FGF2: variants seen among roughly 807,000 people sequenced by gnomAD.
The protein encoded by FGF2 is basic fibroblast growth factor bFGF.
Under a neutral mutation model 15.9 loss-of-function variants are expected in FGF2, and 13 were observed. That is an observed-to-expected ratio of 0.82 (90% CI 0.53 to 1.30). FGF2 has a LOEUF of 1.30. FGF2 is among the 50% of genes most tolerant of loss of function. FGF2 has a pLI of 0.00. For synonymous variants in FGF2, 90 were observed against 78.4 expected (o/e 1.15, Z -0.78); for missense variants, 163 against 196.9 (o/e 0.83, Z 1.03).
chr4:122,828,818 A>C (rs1725702958), intron 1 of FGF2, among the ~76,000 whole-genome samples: 1 of 150,704 alleles, frequency 6.6e-6, no homozygotes, highest in Non-Finnish European at 1.5e-5. Flanking sequence ...CTAGTTCTCT[A>C]TTCTGGTAAC....
intron 1 of FGF2, among the ~76,000 whole-genome samples, chr4:122,851,963 A>G (rs1726240494): frequency 6.6e-6 from 1 of 152,206 alleles, no homozygotes; most frequent in Non-Finnish European, 1.5e-5. Context: ...TATTGTTGTG[A>G]TGATTAACAT....
intron 2 of FGF2, among the ~76,000 whole-genome samples, chr4:122,876,822 A>G (rs977488563): frequency 2.0e-5 from 3 of 152,254 alleles, no homozygotes; most frequent in African/African-American, 7.2e-5. Flanking sequence ...GTGACGTACA[A>G]AACACTAGCA....
chr4:122,865,494 T>C (rs554146154), intron 1 of FGF2, among the ~76,000 whole-genome samples: 1 of 152,292 alleles, frequency 6.6e-6, no homozygotes, highest in East Asian at 1.9e-4. Context: ...TTTTGCCATG[T>C]TGGCCAGGCT....
intron 1 of FGF2, among the ~76,000 whole-genome samples, chr4:122,847,157 C>T (rs1040065346): frequency 2.0e-5 from 3 of 152,236 alleles, no homozygotes; most frequent in Admixed American, 1.3e-4. Flanking sequence ...ATCTTGAATT[C>T]ACTGTCTATT....
intron 1 of FGF2, among the ~76,000 whole-genome samples, chr4:122,847,661 T>C (rs115612058): frequency 0.025 from 3,775 of 151,814 alleles, 173 homozygotes; most frequent in African/African-American, 0.085. Flanking sequence ...AATCTATCTA[T>C]CTACCTACCT....
rs1290291626 is a variant in FGF2 at position 122,827,862 on chromosome 4, A to G, written c.178+510A>G. ...ACACTACTCTCACCCACTCTGTTTTATATTTTTCCGAATTGACGAAAGCTG... is the reference window on the plus strand; with the variant it reads ...ACACTACTCTCACCCACTCTGTTTTGTATTTTTCCGAATTGACGAAAGCTG... On this transcript the variant is annotated intron_variant, in intron 1 of 2. Coordinates refer to ENST00000644866, the MANE Select transcript of FGF2 (RefSeq NM_001361665.2). The surrounding 1 kb of genome is among the most constrained non-coding windows in gnomAD (Gnocchi z 4.2). Among the ~76,000 whole-genome samples the G allele has an allele frequency of 6.6e-6, 1 of 152,240 alleles. No individual in the cohort carries two copies. Among genetic ancestry groups the G allele is most frequent in the Non-Finnish European group, 1.5e-5 (1 of 68,038 alleles).
At chr4:122,836,613 C>A (rs1725872054) in intron 1 of FGF2, among the ~76,000 whole-genome samples, 1 of 152,186 alleles carries the variant, frequency 6.6e-6, no homozygotes, top group African/African-American at 2.4e-5. Flanking sequence ...GGGTCTGAGG[C>A]TGAATTTACT....
intron 1 of FGF2, among the ~76,000 whole-genome samples, chr4:122,847,639 A>ATCTG (rs145348574): frequency 1.5e-5 from 2 of 135,526 alleles, no homozygotes; most frequent in Non-Finnish European, 3.1e-5. Context: ...CTATCTATCT[A>ATCTG]TCTGTCTATC....
intron 1 of FGF2, among the ~76,000 whole-genome samples, chr4:122,838,756 T>G (rs1408570975): frequency 6.6e-6 from 1 of 152,236 alleles, no homozygotes; most frequent in Non-Finnish European, 1.5e-5. Flanking sequence ...GAAAGACTTC[T>G]GTCATGATTT....
intron 1 of FGF2, among the ~76,000 whole-genome samples, chr4:122,868,117 A>T (rs943251470): frequency 6.6e-6 from 1 of 152,076 alleles, no homozygotes; most frequent in African/African-American, 2.4e-5. Context: ...GTTATTATTG[A>T]TATGGTTAGT....
chr4:122,883,252 C>CA (rs1726995585), intron 2 of FGF2: 1 of 152,028 alleles, frequency 6.6e-6, no homozygotes, highest in African/African-American at 2.4e-5. Context: ...GCTGTGGATA[C>CA]AAAAAACATT....
chr4:122,846,752 A>T (rs1726120510), intron 1 of FGF2, among the ~76,000 whole-genome samples: 1 of 152,238 alleles, frequency 6.6e-6, no homozygotes, highest in Non-Finnish European at 1.5e-5. Context: ...TGTATTATTT[A>T]TGCAAAATTT....
chr4:122,887,230 C>T (rs139450799), intron 2 of FGF2, among the ~76,000 whole-genome samples: 2,979 of 152,280 alleles, frequency 0.02, 102 homozygotes, highest in African/African-American at 0.067. Flanking sequence ...AGGAGAATCA[C>T]TTCAACCTGG....
rs771017160 is a variant in FGF2 at position 122,827,267 on chromosome 4, G to T, written c.93G>T (p.Arg31=). 1.2e-5 allele frequency: 20 copies of T among 1,612,610 alleles called. No individual in the cohort carries two copies. The Admixed American group carries it at 3.3e-4, about 27-fold the overall frequency. The stretch of plus-strand genomic sequence containing the variant: ...CCGGCCACTTCAAGGACCCCAAGCG[G>T]CTGTACTGCAAAAACGGGGGCTTCT... ...FPPGHFKDPK[R]LYCKNGGFFL... is the part of the protein sequence containing the mutation. Residue 31 remains arginine (R), a synonymous_variant, in exon 1 of 3, where the codon CGG becomes CGT. Coordinates refer to ENST00000644866, the MANE Select transcript of FGF2 (RefSeq NM_001361665.2). The surrounding 1 kb of genome is among the most constrained non-coding windows in gnomAD (Gnocchi z 4.2).
At chr4:122,878,416 C>G (rs796567542) in intron 2 of FGF2, among the ~76,000 whole-genome samples, 11 of 152,212 alleles carry the variant, frequency 7.2e-5, no homozygotes, top group African/African-American at 2.4e-4. Context: ...GATAAAAAAT[C>G]TACTTGATGT....
At chr4:122,869,608 G>A (rs1726684306) in intron 1 of FGF2, among the ~76,000 whole-genome samples, 2 of 152,234 alleles carry the variant, frequency 1.3e-5, no homozygotes, top group African/African-American at 4.8e-5. Flanking sequence ...ATTGTGAACG[G>A]GAGTTCATTC....
intron 1 of FGF2, among the ~76,000 whole-genome samples, chr4:122,849,812 A>G (rs1019567910): frequency 1.3e-5 from 2 of 152,142 alleles, no homozygotes; most frequent in Non-Finnish European, 2.9e-5. Flanking sequence ...AGGAAAGGAA[A>G]TTAACCAGGG....
chr4:122,851,674 G>C (rs924288120), intron 1 of FGF2, among the ~76,000 whole-genome samples: 2 of 152,188 alleles, frequency 1.3e-5, no homozygotes, highest in Non-Finnish European at 2.9e-5. Flanking sequence ...GTGTTGAACA[G>C]CTATTATTAA....
chr4:122,863,319 T>G (rs1472385194), intron 1 of FGF2, among the ~76,000 whole-genome samples: 1 of 152,232 alleles, frequency 6.6e-6, no homozygotes, highest in East Asian at 1.9e-4. Context: ...TTTTAGCTGT[T>G]TTCATGTCAT....
Sources: allele counts gnomAD v4.1 joint callset (sites outside exome capture counted in the v4.1 genomes callset), GRCh38; gene constraint gnomAD v4.1.1; non-coding constraint Gnocchi (gnomAD v3.1); transcripts MANE v1.5; gene names NCBI Gene and HGNC (gene_info 2026-07-23, HGNC 2026-07-21).